Variants in SELPLG observed in about 807,000 individuals in gnomAD.
SELPLG encodes the protein P-selectin glycoprotein ligand 1.
In SELPLG, 2 loss-of-function variants were observed where a neutral mutation model predicts 1.1. The ratio of observed to expected loss-of-function variants is 1.82; its 90% CI spans 0.74 to 5.71. The LOEUF is 5.71. SELPLG is among the 30% of genes most tolerant of loss of function. The pLI, the probability that SELPLG is intolerant of heterozygous loss-of-function variation, is 0.05. For missense variants in SELPLG, 478 were observed against 524.7 expected (o/e 0.91, Z 0.87); for synonymous variants, 230 against 221.2 (o/e 1.04, Z -0.35).
intron 1 of SELPLG, chr12:108,631,849 A>T: frequency 1.3e-6 from 2 of 1,522,016 alleles, no homozygotes; most frequent in Admixed American, 2.0e-5. Context: ...GACCCCCAAC[A>T]CACACACACC....
intron 1 of SELPLG, among the ~76,000 whole-genome samples, chr12:108,625,187 C>T (rs984581418): frequency 6.6e-6 from 1 of 152,128 alleles, no homozygotes. Flanking sequence ...ATTCTACCTG[C>T]TGCCCCCTCT....
chr12:108,631,160 C>T (rs2032042642), intron 1 of SELPLG, among the ~76,000 whole-genome samples: 1 of 152,226 alleles, frequency 6.6e-6, no homozygotes, highest in Non-Finnish European at 1.5e-5. Context: ...CCACATTTGC[C>T]AGCTGACACT....
chr12:108,623,641 T>C lies in SELPLG; in HGVS notation c.667A>G (p.Thr223Ala). Reference protein sequence around the residue: ...TTPPAAMEAQTTQTTAMEAQT... With the variant: ...TTPPAAMEAQATQTTAMEAQT... The stretch of plus-strand genomic sequence containing the variant: ...GCCTCCATGGCTGTGGTTTGAGTGG[T>C]CTGTGCCTCCATGGCTGCTGGTGGA... The change falls in exon 2 of 2, where the codon ACC becomes GCC. Residue 223 changes from threonine to alanine, a missense_variant. By Grantham distance (58) the Thr-to-Ala change is moderately conservative. Transcript: ENST00000550948. 6.5e-7 allele frequency: 1 copy of C among 1,533,370 alleles called. No homozygotes were observed. Among genetic ancestry groups the C allele is most frequent in the Non-Finnish European group, 8.7e-7 (1 of 1,144,938 alleles). 95.0% of individuals were successfully genotyped at this position (1,533,370 alleles called of 1,614,324 possible). A position where few individuals can be genotyped will look rare whatever the true frequency, so the allele number is the denominator to read the frequency against.
At chr12:108,630,053 T>A (rs1328780760) in intron 1 of SELPLG, among the ~76,000 whole-genome samples, 1 of 151,766 alleles carries the variant, frequency 6.6e-6, no homozygotes, top group Admixed American at 6.6e-5. Context: ...ACCTTCCACC[T>A]CTCCTCTTCC....
rs1191406625 is a variant in SELPLG, at chr12:108,622,815, C to A, written c.*254G>T. The A allele has an allele frequency of 2.6e-5, 12 of 455,914 alleles. No individual in the cohort carries two copies. Among genetic ancestry groups the A allele is most frequent in the Non-Finnish European group, 4.6e-5 (12 of 259,066 alleles). The allele number at this position is 455,914 out of a possible 1,614,324, so 28.2% of individuals were successfully genotyped here. A position where few individuals can be genotyped will look rare whatever the true frequency, so the allele number is the denominator to read the frequency against. ...AGAATCTGTCTCAAGTAAATGGCCT[C>A]CTGCCTTGGACCTCGGCTGAAATGT... On this transcript the variant is annotated 3_prime_UTR_variant, in exon 2 of 2. Coordinates refer to ENST00000550948, the MANE Select transcript of SELPLG (RefSeq NM_003006.4).
intron 1 of SELPLG, among the ~76,000 whole-genome samples, chr12:108,625,602 A>G (rs2031922877): frequency 6.6e-6 from 1 of 152,242 alleles, no homozygotes; most frequent in Non-Finnish European, 1.5e-5. Flanking sequence ...CAGGAAGCTT[A>G]TAGTCACTGA....
rs1315464491 is a variant in SELPLG at position 108,623,341 on chromosome 12, C to T, written c.967G>A (p.Ala323Thr). The change falls in exon 2 of 2, where the codon GCC becomes ACC. Residue 323 changes from alanine to threonine, a missense_variant. Transcript: ENST00000550948. ...GCCACCAGCGCCAAGATTAGGATGG[C>T]CAGCAGGCACTGCTTCACAGAGATG... Reference protein sequence around the residue: ...DHISVKQCLLAILILALVATI... With the variant: ...DHISVKQCLLTILILALVATI... 11 of 1,614,234 alleles carry T rather than the reference C, an allele frequency of 6.8e-6. No homozygotes were observed. The highest frequency in any genetic ancestry group is 9.3e-6 in the Non-Finnish European group (11 of 1,180,036).
At position 108,624,042 on chromosome 12, in the gene SELPLG, C is replaced by T. The variant is rs201172154; in HGVS notation, c.266G>A (p.Arg89His). 5.0e-5 allele frequency: 80 copies of T among 1,614,140 alleles called. No homozygotes were observed. Among genetic ancestry groups the T allele is most frequent in the Non-Finnish European group, 6.3e-5 (74 of 1,180,058 alleles). ...ESTTVEPAAR[R>H]STGLDAGGAV... ...CCCTCCTGCATCCAGGCCAGTAGAA[C>T]GCCTTGCAGCAGGCTCCACAGTGGT... The change falls in exon 2 of 2, where the codon CGT becomes CAT. Residue 89 changes from arginine to histidine, a missense_variant. Coordinates refer to ENST00000550948, the MANE Select transcript of SELPLG (RefSeq NM_003006.4).
rs540144714 is a variant in SELPLG, at chr12:108,623,896, G to A, written c.412C>T (p.Pro138Ser). The change falls in exon 2 of 2, where the codon CCC becomes TCC. Residue 138 changes from proline to serine, a missense_variant. Transcript: ENST00000550948. ...ATEAQTTQPV[P>S]TEAQTTPLAA... The stretch of plus-strand genomic sequence containing the variant: ...AGTGGAGTGGTCTGTGCCTCCGTGG[G>A]CACTGGTTGAGTGGTCTGTGCCTCC... 5 of 1,058,828 alleles carry A rather than the reference G, an allele frequency of 4.7e-6. No homozygotes were observed. The East Asian group carries it at 2.4e-4, about 52-fold the overall frequency. 65.6% of individuals were successfully genotyped at this position (1,058,828 alleles called of 1,614,324 possible).
At chr12:108,632,516 C>G (rs1162644962) in intron 1 of SELPLG, among the ~76,000 whole-genome samples, 1 of 150,938 alleles carries the variant, frequency 6.6e-6, no homozygotes, top group East Asian at 1.9e-4. Flanking sequence ...TAAGAGTATT[C>G]TAATTTTTTT....
Position 108,621,995 on chromosome 12 carries a change from A to C in SELPLG, c.*1074T>G, listed in dbSNP as rs1022701038. Among the ~76,000 whole-genome samples, 3 of 151,932 alleles carry C rather than the reference A, an allele frequency of 2.0e-5. No homozygotes were observed. The highest frequency in any genetic ancestry group is 2.9e-5 in the Non-Finnish European group (2 of 67,992). ...TCTGTGGGCCAAAACTGGGTAATGG[A>C]GGAAGTGGAATAAAGTGGTCACTGG... is the stretch of plus-strand genomic sequence containing the variant. On this transcript the variant is annotated 3_prime_UTR_variant, in exon 2 of 2. Coordinates refer to ENST00000550948, the MANE Select transcript of SELPLG (RefSeq NM_003006.4).
In SELPLG at chr12:108,622,916, C is replaced by A. The variant is rs544139866; in HGVS notation, c.*153G>T. Reference sequence around the variant, plus strand: ...CTGCTTGGCCCCAGGCTGCTCTTGTCCTGTTTGGGTGGCCAGAGTTCCTTC... The same window carrying A: ...CTGCTTGGCCCCAGGCTGCTCTTGTACTGTTTGGGTGGCCAGAGTTCCTTC... On this transcript the variant is annotated 3_prime_UTR_variant, in exon 2 of 2. Transcript: ENST00000550948. The A allele has an allele frequency of 9.7e-4, 736 of 761,102 alleles. 2 individuals are homozygous for A. The highest frequency in any genetic ancestry group is 1.3e-3 in the Non-Finnish European group (676 of 502,590). 47.1% of individuals were successfully genotyped at this position (761,102 alleles called of 1,614,324 possible).
chr12:108,626,966 G>T (rs543763708), intron 1 of SELPLG, among the ~76,000 whole-genome samples: 1 of 152,228 alleles, frequency 6.6e-6, no homozygotes, highest in South Asian at 2.1e-4. Context: ...TTAGCCGGGC[G>T]TGGTGGTGCT....
intron 1 of SELPLG, chr12:108,628,814 C>G (rs1024714371): frequency 1.3e-5 from 2 of 152,272 alleles, no homozygotes; most frequent in African/African-American, 4.8e-5. Context: ...CACCCAGAGA[C>G]AGCTGGGGTG....
In SELPLG at chr12:108,622,684, T is replaced by A. The variant is rs2031843504; in HGVS notation, c.*385A>T. 9.7e-6 allele frequency: 2 copies of A among 206,244 alleles called. 1 individual carries two copies. The highest frequency in any genetic ancestry group is 1.1e-4 in the Admixed American group (2 of 18,988). The allele number at this position is 206,244 out of a possible 1,614,324, so 12.8% of individuals were successfully genotyped here. A position where few individuals can be genotyped will look rare whatever the true frequency, so the allele number is the denominator to read the frequency against. ...GTGCGTGTGGGATGGGGGAGCTCCA[T>A]CTTCCTTGGGTACATGGGGAGGAGA... is the stretch of plus-strand genomic sequence containing the variant. On this transcript the variant is annotated 3_prime_UTR_variant, in exon 2 of 2. Coordinates refer to ENST00000550948, the MANE Select transcript of SELPLG (RefSeq NM_003006.4).
intron 1 of SELPLG, among the ~76,000 whole-genome samples, chr12:108,626,783 G>A (rs1413668014): frequency 1.3e-5 from 2 of 151,868 alleles, no homozygotes; most frequent in Non-Finnish European, 2.9e-5. Context: ...TTATAGGCAT[G>A]AGCCACCACA....
At chr12:108,633,442 A>C (rs2032096583) in intron 1 of SELPLG, among the ~76,000 whole-genome samples, 1 of 152,212 alleles carries the variant, frequency 6.6e-6, no homozygotes, top group Non-Finnish European at 1.5e-5. Context: ...TTAAGGCTGC[A>C]GTGAGCCATG....
rs1486822656 is a variant in SELPLG at position 108,623,231 on chromosome 12, G to C, written c.1077C>G (p.Pro359=). Residue 359 remains proline (P), a synonymous_variant, in exon 2 of 2, where the codon CCC becomes CCG. Transcript: ENST00000550948. ...GHMYPVRNYS[P]TEMVCISSLL... is the part of the protein sequence containing the mutation. The stretch of plus-strand genomic sequence containing the variant: ...GGGATGAGATGCAGACCATCTCGGT[G>C]GGGGAGTAATTACGCACGGGGTACA... The C allele has an allele frequency of 1.2e-6, 2 of 1,614,096 alleles. No individual in the cohort carries two copies. The highest frequency in any genetic ancestry group is 1.7e-6 in the Non-Finnish European group (2 of 1,179,966).
chr12:108,632,519 A>T (rs2032079703), intron 1 of SELPLG, among the ~76,000 whole-genome samples: 2 of 142,726 alleles, frequency 1.4e-5, no homozygotes, highest in Non-Finnish European at 3.1e-5. Context: ...GAGTATTCTA[A>T]TTTTTTTTTT....
Sources: gnomAD v4.1 joint callset for allele counts (sites outside exome capture counted in the v4.1 genomes callset) on GRCh38, gnomAD v4.1.1 for gene constraint, MANE v1.5 for transcripts, NCBI Gene and HGNC (gene_info 2026-07-23, HGNC 2026-07-21) for gene names.